Variants in MED19 observed in about 807,000 individuals in gnomAD.
The protein encoded by MED19 is mediator of RNA polymerase II transcription subunit 19.
In MED19, 4 loss-of-function variants were observed where a neutral mutation model predicts 19.9. The observed-to-expected ratio is 0.20, with a 90% CI of 0.10 to 0.46. The LOEUF is 0.46. MED19 is among the 20% of genes least tolerant of loss of function. The pLI, the probability that MED19 is intolerant of heterozygous loss-of-function variation, is 0.99. For missense variants in MED19, 303 were observed against 318.7 expected (o/e 0.95, Z 0.38); for synonymous variants, 139 against 119.6 (o/e 1.16, Z -1.06).
rs1322612491 is a variant in MED19, at chr11:57,704,285, A to G, written c.666+17T>C. 6.5e-7 allele frequency: 1 copy of G among 1,532,800 alleles called. No individual in the cohort carries two copies. The highest frequency in any genetic ancestry group is 8.7e-7 in the Non-Finnish European group (1 of 1,146,142). The allele number at this position is 1,532,800 out of a possible 1,614,324, so 94.9% of individuals were successfully genotyped here. A position where few individuals can be genotyped will look rare whatever the true frequency, so the allele number is the denominator to read the frequency against. On this transcript the variant is annotated intron_variant, in intron 4 of 4. Transcript: ENST00000431606. ...TGGGGAAACTCACTGGGTTGTGGCA[A>G]TAGGCCTCTACTCTACCTTCTTTTT...
exon 2 of MED19, chr11:57,705,022 T>G: frequency 6.2e-7 from 1 of 1,614,080 alleles, no homozygotes; most frequent in Non-Finnish European, 8.5e-7. Context: ...TGTGATAGGA[T>G]TGAAAGAGCT....
At chr11:57,712,148 T>C (rs1233387904) in exon 1 of MED19, 3 of 1,533,192 alleles carry the variant, frequency 2.0e-6, no homozygotes, top group Non-Finnish European at 2.6e-6. Context: ...TGGGTCAGCC[T>C]GAGCCCCAAA....
At chr11:57,711,977 A>C in exon 1 of MED19, 1 of 1,474,032 alleles carries the variant, frequency 6.8e-7, no homozygotes, top group Non-Finnish European at 9.0e-7. Flanking sequence ...CAGTTCCCTC[A>C]TGAGGTAAAA....
intron 1 of MED19, among the ~76,000 whole-genome samples, chr11:57,706,488 T>C (rs1195447968): frequency 6.6e-6 from 1 of 150,794 alleles, no homozygotes. Flanking sequence ...AGTCAACTAA[T>C]GGCCAGGCGC....
At chr11:57,708,286 C>G (rs972582774) in intron 1 of MED19, among the ~76,000 whole-genome samples, 4 of 152,086 alleles carry the variant, frequency 2.6e-5, no homozygotes, top group Non-Finnish European at 5.9e-5. Flanking sequence ...TTTTTGCCCT[C>G]AGGAGAAAGC....
At chr11:57,704,910 G>C in intron 2 of MED19, 63 bp downstream of exon 2, 1 of 1,604,262 alleles carries the variant, frequency 6.2e-7, no homozygotes, top group Admixed American at 1.7e-5. Flanking sequence ...AACAGACTTG[G>C]AGAGAAAAAC....
In MED19 at chr11:57,709,368, C is replaced by CA. The variant is rs368451671; in HGVS notation, c.217+2594dup. On this transcript the variant is annotated intron_variant, in intron 1 of 4. Transcript: ENST00000431606. ...TGCACTCCAGCCTGGGCAACAAGAGCAAAACTCTGTTTAAAAAAAAAAAAA... is the reference window on the plus strand; with the variant it reads ...TGCACTCCAGCCTGGGCAACAAGAGCAAAAACTCTGTTTAAAAAAAAAAAAA... Among the ~76,000 whole-genome samples the CA allele has an allele frequency of 1.0e-3, 146 of 145,212 alleles. 1 individual carries two copies. Among genetic ancestry groups the CA allele is most frequent in the African/African-American group, 3.5e-3 (140 of 39,572 alleles).
exon 3 of MED19, chr11:57,704,726 G>A: frequency 1.2e-6 from 2 of 1,609,402 alleles, no homozygotes; most frequent in Non-Finnish European, 1.7e-6. Context: ...TACCTGGGGG[G>A]ACAGGATCCT....
exon 3 of MED19, chr11:57,704,762 C>T (rs1946488309): frequency 1.9e-6 from 3 of 1,557,822 alleles, no homozygotes; most frequent in Non-Finnish European, 2.6e-6. Context: ...TGTGCTTGTG[C>T]TTATTCTTCT....
At chr11:57,710,663 T>C (rs1189456314) in intron 1 of MED19, among the ~76,000 whole-genome samples, 1 of 152,182 alleles carries the variant, frequency 6.6e-6, no homozygotes, top group Non-Finnish European at 1.5e-5. Flanking sequence ...GAAGAGAGCA[T>C]CTCTGGCCAC....
intron 1 of MED19, among the ~76,000 whole-genome samples, chr11:57,708,305 C>G (rs1260234939): frequency 6.6e-6 from 1 of 152,116 alleles, no homozygotes; most frequent in African/African-American, 2.4e-5. Flanking sequence ...GCTCAAATTC[C>G]TTTGACTGGC....
Position 57,704,699 on chromosome 11 carries a change from T to TTTA in MED19, c.571+19_571+20insTAA. ...TTTTTTTTTTTTTTTTTTTTTGCTT[T>TTTA]GAATAGAACTGCTTCTTACCTGGGG... is the stretch of plus-strand genomic sequence containing the variant. On this transcript the variant is annotated intron_variant, in intron 3 of 4. Transcript: ENST00000431606. The TTTA allele has an allele frequency of 6.3e-7, 1 of 1,575,446 alleles. No homozygotes were observed. Among genetic ancestry groups the TTTA allele is most frequent in the Non-Finnish European group, 8.6e-7 (1 of 1,162,100 alleles).
chr11:57,711,431 C>A (rs1946598956), intron 1 of MED19, among the ~76,000 whole-genome samples: 1 of 152,204 alleles, frequency 6.6e-6, no homozygotes, highest in African/African-American at 2.4e-5. Context: ...CGGCTCTCTG[C>A]AACCTCCGCC....
chr11:57,703,751 C>A, exon 5 of MED19: 3 of 346,676 alleles, frequency 8.7e-6, no homozygotes, highest in Non-Finnish European at 1.0e-5. Flanking sequence ...AAAGAAAACA[C>A]AGAACAAGTC....
exon 2 of MED19, chr11:57,705,208 C>T: frequency 6.2e-7 from 1 of 1,614,158 alleles, no homozygotes; most frequent in East Asian, 2.2e-5. Context: ...CAGATTCGTG[C>T]TGCCTGTCAG....
Position 57,705,040 on chromosome 11 carries a change from A to AT in MED19, c.406dup (p.Ile136AsnfsTer4). The AT allele has an allele frequency of 6.2e-7, 1 of 1,614,188 alleles. No homozygotes were observed. The highest frequency in any genetic ancestry group is 8.5e-7 in the Non-Finnish European group (1 of 1,180,020). ...GATAGGATTGAAAGAGCTACTGAGA[A>AT]TAGGGGGCTTCTCAATGAGAGAGCG... On this transcript the variant is annotated frameshift_variant, in exon 2 of 5. Transcript: ENST00000431606. LOFTEE classifies it high-confidence loss of function.
intron 4 of MED19, 53 bp downstream of exon 4, chr11:57,704,247 CAG>C (rs1190117343): frequency 1.6e-5 from 25 of 1,528,660 alleles, no homozygotes; most frequent in Middle Eastern, 1.7e-4. Flanking sequence ...GTATTTAGGA[CAG>C]GGGTGAGATC....
chr11:57,709,495 C>G (rs1458503141), intron 1 of MED19, among the ~76,000 whole-genome samples: 2 of 152,120 alleles, frequency 1.3e-5, no homozygotes, highest in Non-Finnish European at 2.9e-5. Flanking sequence ...ACCCATACAC[C>G]CAATTATTCA....
chr11:57,705,598 G>A (rs1195150349), intron 1 of MED19, among the ~76,000 whole-genome samples: 1 of 150,414 alleles, frequency 6.6e-6, no homozygotes, highest in African/African-American at 2.4e-5. Flanking sequence ...AGGTTGCAGT[G>A]AGCTGAGATT....
Sources: gnomAD v4.1 joint callset for allele counts (sites outside exome capture counted in the v4.1 genomes callset) on GRCh38, gnomAD v4.1.1 for gene constraint, MANE v1.5 for transcripts, NCBI Gene and HGNC (gene_info 2026-07-23, HGNC 2026-07-21) for gene names.